Variants in XKR6 observed in about 807,000 individuals in gnomAD.
XKR6 encodes XK related 6.
In XKR6, 22 loss-of-function variants were observed where a neutral mutation model predicts 56.7. That is an observed-to-expected ratio of 0.39 (90% CI 0.28 to 0.55). The LOEUF is 0.55. Ranked by LOEUF, XKR6 falls within the 20% of genes least tolerant of loss-of-function variation. The probability of loss-of-function intolerance (pLI) is 0.66; values close to 1 mark genes in which losing one functional copy is unlikely to be tolerated. For missense variants in XKR6, 852 were observed against 889.0 expected, an observed-to-expected ratio of 0.96 and a Z score of 0.53; for synonymous variants, 524 against 387.8, an observed-to-expected ratio of 1.35 and a Z score of -4.13.
At chr8:11,078,605 C>T (rs1020891220) in intron 1 of XKR6, among the ~76,000 whole-genome samples, 4 of 152,114 alleles carry the variant, frequency 2.6e-5, no homozygotes, top group African/African-American at 9.7e-5. Context: ...CTTGACAGGA[C>T]CTGAGGGTTG....
intron 1 of XKR6, among the ~76,000 whole-genome samples, chr8:10,957,049 C>T (rs1196285678): frequency 6.6e-6 from 1 of 152,138 alleles, no homozygotes; most frequent in Admixed American, 6.5e-5. Context: ...CTCCTGGGTT[C>T]AAGCAATTCT....
At chr8:10,938,645 G>T (rs1801299695) in intron 1 of XKR6, among the ~76,000 whole-genome samples, 1 of 152,168 alleles carries the variant, frequency 6.6e-6, no homozygotes. Context: ...ATTCTGCAAG[G>T]CCAGAGGGAT....
At chr8:11,075,615 T>G (rs1178648230) in intron 1 of XKR6, among the ~76,000 whole-genome samples, 2 of 152,190 alleles carry the variant, frequency 1.3e-5, no homozygotes, top group African/African-American at 4.8e-5. Flanking sequence ...CCAGGCTCGG[T>G]AGCTCACATC....
chr8:11,190,862 G>A (rs570089528), intron 1 of XKR6, among the ~76,000 whole-genome samples: 67 of 152,244 alleles, frequency 4.4e-4, no homozygotes, highest in Admixed American at 1.2e-3. Flanking sequence ...TGTAAAATGG[G>A]CACAAAATGC....
At chr8:11,059,963 A>C (rs113126608) in intron 1 of XKR6, among the ~76,000 whole-genome samples, 1,650 of 152,320 alleles carry the variant, frequency 0.011, 24 homozygotes, top group African/African-American at 0.038. Flanking sequence ...AGCTCGCCCA[A>C]CTCAGGGGAT....
chr8:10,973,269 G>A (rs1409625957), intron 1 of XKR6, among the ~76,000 whole-genome samples: 1 of 152,212 alleles, frequency 6.6e-6, no homozygotes, highest in Non-Finnish European at 1.5e-5. Flanking sequence ...GTTGGACAGA[G>A]AGAAAATGCC....
chr8:11,060,742 T>C (rs544892096), intron 1 of XKR6, among the ~76,000 whole-genome samples: 71 of 152,360 alleles, frequency 4.7e-4, no homozygotes, highest in African/African-American at 1.7e-3. Flanking sequence ...GGTGTTTCTC[T>C]GGCAATTCAT....
chr8:11,128,877 T>A (rs1336239813), intron 1 of XKR6: 1 of 456,780 alleles, frequency 2.2e-6, no homozygotes, highest in Non-Finnish European at 4.4e-6. Flanking sequence ...GCCACCATCA[T>A]CTCTTGCCTT....
intron 1 of XKR6, among the ~76,000 whole-genome samples, chr8:11,168,284 T>C (rs1301391024): frequency 6.6e-6 from 1 of 152,248 alleles, no homozygotes; most frequent in East Asian, 1.9e-4. Flanking sequence ...ATATGCTTAA[T>C]ATCAATATGT....
At chr8:10,924,976 G>A (rs567467368) in intron 1 of XKR6, 146 bp from the exon 2 acceptor site, 2 of 874,932 alleles carry the variant, frequency 2.3e-6, no homozygotes, top group Non-Finnish European at 1.7e-6. Flanking sequence ...ACGGGGCTCT[G>A]GGGGGCTCCC....
chr8:11,089,110 C>A (rs1797984546), intron 1 of XKR6, among the ~76,000 whole-genome samples: 1 of 152,092 alleles, frequency 6.6e-6, no homozygotes, highest in Non-Finnish European at 1.5e-5. Flanking sequence ...GACCTGGGAC[C>A]CTACGGCTGG....
intron 1 of XKR6, among the ~76,000 whole-genome samples, chr8:10,994,316 C>T (rs1047530022): frequency 2.0e-5 from 3 of 152,254 alleles, no homozygotes; most frequent in African/African-American, 2.4e-5. Flanking sequence ...CCAGCTCCCC[C>T]AGCCTGGCTC....
intron 2 of XKR6, among the ~76,000 whole-genome samples, chr8:10,917,958 G>A (rs2129114429): frequency 6.6e-6 from 1 of 152,322 alleles, no homozygotes; most frequent in Admixed American, 6.5e-5. Flanking sequence ...GGCAGCCTTA[G>A]AAGATGCTAG....
intron 1 of XKR6, among the ~76,000 whole-genome samples, chr8:11,097,874 T>G (rs1378567062): frequency 3.2e-5 from 1 of 31,412 alleles, no homozygotes; most frequent in Non-Finnish European, 6.9e-5. Context: ...AATTCTACAG[T>G]TTTTTTTTTT....
At chr8:11,185,417 T>C (rs948484950) in intron 1 of XKR6, among the ~76,000 whole-genome samples, 20 of 152,230 alleles carry the variant, frequency 1.3e-4, no homozygotes, top group Non-Finnish European at 4.4e-5. Flanking sequence ...GGTTTCCATA[T>C]ACGTAGTTTC....
At chr8:11,048,012 G>T (rs1023909523) in intron 1 of XKR6, among the ~76,000 whole-genome samples, 1 of 152,106 alleles carries the variant, frequency 6.6e-6, no homozygotes, top group Non-Finnish European at 1.5e-5. Flanking sequence ...AGCCTCCAGC[G>T]CCTGTGTTCT....
At chr8:11,067,673 T>A (rs1800016128) in intron 1 of XKR6, among the ~76,000 whole-genome samples, 1 of 152,238 alleles carries the variant, frequency 6.6e-6, no homozygotes, top group African/African-American at 2.4e-5. Flanking sequence ...GGTTGGTGTG[T>A]GCCCACACAC....
chr8:11,023,936 T>C (rs1269599246), intron 1 of XKR6, among the ~76,000 whole-genome samples: 1 of 152,176 alleles, frequency 6.6e-6, no homozygotes, highest in Non-Finnish European at 1.5e-5. Context: ...CTTAAAACCC[T>C]ACGAGAAGAA....
intron 1 of XKR6, among the ~76,000 whole-genome samples, chr8:10,927,366 C>T (rs377252925): frequency 6.6e-6 from 1 of 152,060 alleles, no homozygotes; most frequent in African/African-American, 2.4e-5. Context: ...GACCCAAACC[C>T]GGCTCTCTCA....
Sources: allele counts gnomAD v4.1 joint callset (sites outside exome capture counted in the v4.1 genomes callset), GRCh38; gene constraint gnomAD v4.1.1; transcripts MANE v1.5; gene names NCBI Gene and HGNC (gene_info 2026-07-23, HGNC 2026-07-21).